Variants in DNA2 observed in about 807,000 individuals in gnomAD.
DNA2 encodes the protein DNA replication helicase/nuclease 2.
Under a neutral mutation model 119.1 loss-of-function variants are expected in DNA2, and 101 were observed. The observed-to-expected ratio is 0.85, with a 90% CI of 0.72 to 1.00. The LOEUF (loss-of-function observed/expected upper bound fraction) is 1.00, where lower values mean the gene tolerates loss of function less well. DNA2 is among the 50% of genes least tolerant of loss of function. DNA2 has a pLI of 0.00. For missense variants in DNA2, 1,121 were observed against 1,255.5 expected (o/e 0.89, Z 1.62); for synonymous variants, 366 against 424.4 (o/e 0.86, Z 1.69).
rs758848082 is a variant in DNA2, at chr10:68,436,968, T to C, written c.1646+43A>G. ...GGATGAACTACACAGATGTGAATTA[T>C]ATATCAATAAAGCTGTTATCAAAAA... On this transcript the variant is annotated intron_variant, in intron 10 of 20. Coordinates refer to ENST00000358410, the MANE Select transcript of DNA2 (RefSeq NM_001080449.3). 21 of 1,432,730 alleles carry C rather than the reference T, an allele frequency of 1.5e-5. 1 individual carries two copies. In the Middle Eastern group the frequency reaches 7.2e-4, roughly 49 times the overall value. 88.8% of individuals were successfully genotyped at this position (1,432,730 alleles called of 1,614,324 possible).
chr10:68,419,166 C>T lies in DNA2; in HGVS notation c.2835G>A (p.Gln945=), dbSNP rs1394475053. 1 of 1,612,458 alleles carries T rather than the reference C, an allele frequency of 6.2e-7. No individual in the cohort carries two copies. Among genetic ancestry groups the T allele is most frequent in the Admixed American group, 1.7e-5 (1 of 59,802 alleles). ...ATAAATCATTGATGATCTTTAATTG[C>T]TGCCTGTACGGTGCAATAATACCAA... ...SDIGIIAPYR[Q]QLKIINDLLA... The change falls in exon 19 of 21, where the codon CAG becomes CAA. Residue 945 remains glutamine, a synonymous_variant. Coordinates refer to ENST00000358410, the MANE Select transcript of DNA2 (RefSeq NM_001080449.3).
intron 8 of DNA2, 95 bp from the exon 9 acceptor site, chr10:68,443,206 C>G: frequency 1.9e-6 from 2 of 1,044,712 alleles, no homozygotes; most frequent in Non-Finnish European, 2.7e-6. Flanking sequence ...CATATATGAT[C>G]ATCATCATAA....
chr10:68,468,176 T>C lies in DNA2; in HGVS notation c.388A>G (p.Ile130Val). The C allele has an allele frequency of 6.2e-7, 1 of 1,611,520 alleles. No homozygotes were observed. Among genetic ancestry groups the C allele is most frequent in the Non-Finnish European group, 8.5e-7 (1 of 1,179,078 alleles). Residue 130 changes from isoleucine to valine, a missense_variant, in exon 3 of 21, where the codon ATA becomes GTA. Coordinates refer to ENST00000358410, the MANE Select transcript of DNA2 (RefSeq NM_001080449.3). ...YPDMLISGTS[I>V]ASSIRCMRRA... ...CTCATACATCGAATACTACTGGCTA[T>C]GCTGGTGCCAGAAATCAGCATGTCT...
intron 9 of DNA2, among the ~76,000 whole-genome samples, chr10:68,442,706 A>G (rs2051986043): frequency 6.6e-6 from 1 of 152,248 alleles, no homozygotes; most frequent in Non-Finnish European, 1.5e-5. Flanking sequence ...CTGAAACTAT[A>G]TTACTAACTA....
intron 4 of DNA2, among the ~76,000 whole-genome samples, chr10:68,464,127 G>A (rs2052296108): frequency 6.6e-6 from 1 of 152,204 alleles, no homozygotes. Flanking sequence ...TAAAAATGAT[G>A]TAGATGACCA....
intron 14 of DNA2, among the ~76,000 whole-genome samples, chr10:68,423,286 T>C (rs1247584105): frequency 7.1e-6 from 1 of 141,508 alleles, no homozygotes; most frequent in Non-Finnish European, 1.6e-5. Flanking sequence ...GCATTATATA[T>C]AAAAAAAAAA....
At chr10:68,459,283 C>T in intron 4 of DNA2, 48 bp from the exon 5 acceptor site, 3 of 1,445,726 alleles carry the variant, frequency 2.1e-6, no homozygotes, top group Non-Finnish European at 2.7e-6. Context: ...GCGGTACCTG[C>T]CAAAAATATG....
rs2051678074 is a variant in DNA2 at position 68,422,442 on chromosome 10, CA to C, written c.2493-14del. ...GGACATAATTTTACTAAGGGAATTA[CA>C]AAAGATAACTTTAGTTTTGGTAGAT... On this transcript the variant is annotated splice_polypyrimidine_tract_variant and intron_variant, in intron 16 of 20. Coordinates refer to ENST00000358410, the MANE Select transcript of DNA2 (RefSeq NM_001080449.3). The C allele has an allele frequency of 6.2e-7, 1 of 1,612,838 alleles. No individual in the cohort carries two copies. Among genetic ancestry groups the C allele is most frequent in the South Asian group, 1.1e-5 (1 of 90,918 alleles).
intron 6 of DNA2, among the ~76,000 whole-genome samples, chr10:68,447,472 G>A (rs1287530332): frequency 2.0e-5 from 3 of 147,122 alleles, no homozygotes; most frequent in East Asian, 2.0e-4. Context: ...AGTCGAAATC[G>A]TGCCACTGGA....
At chr10:68,438,636 T>A (rs904211641) in intron 9 of DNA2, among the ~76,000 whole-genome samples, 2 of 152,204 alleles carry the variant, frequency 1.3e-5, no homozygotes, top group Non-Finnish European at 2.9e-5. Flanking sequence ...ATATATGCAG[T>A]CTAACTACAA....
chr10:68,414,560 T>C lies in DNA2; in HGVS notation c.*479A>G, dbSNP rs2051564490. 1 of 152,352 alleles carries C rather than the reference T, an allele frequency of 6.6e-6. No homozygotes were observed. Among genetic ancestry groups the C allele is most frequent in the Non-Finnish European group, 1.5e-5 (1 of 68,176 alleles). The allele number at this position is 152,352 out of a possible 1,614,324, so 9.4% of individuals were successfully genotyped here. A position where few individuals can be genotyped will look rare whatever the true frequency, so the allele number is the denominator to read the frequency against. On this transcript the variant is annotated 3_prime_UTR_variant, in exon 21 of 21. Coordinates refer to ENST00000358410, the MANE Select transcript of DNA2 (RefSeq NM_001080449.3). ...AACAGGAAGTAATCAATTCATGTCA[T>C]AAAAGACTAGGTTTAGAGTGAAAAC...
chr10:68,422,854 G>T lies in DNA2; in HGVS notation c.2245C>A (p.Pro749Thr). 2 of 1,607,848 alleles carry T rather than the reference G, an allele frequency of 1.2e-6. No homozygotes were observed. Among genetic ancestry groups the T allele is most frequent in the Non-Finnish European group, 1.7e-6 (2 of 1,178,394 alleles). ...TCAAAAATTTTACGGGAAAATATTG[G>T]ATGGTTTATTCCCATACATGTTGTT... ...VATTCMGINH[P>T]IFSRKIFDFC... is the part of the protein sequence containing the mutation. The change falls in exon 15 of 21, where the codon CCA becomes ACA. Residue 749 changes from proline (P) to threonine (T), a missense_variant. Pro to Thr is a conservative substitution (Grantham distance 38, BLOSUM62 -1). Coordinates refer to ENST00000358410, the MANE Select transcript of DNA2 (RefSeq NM_001080449.3).
rs2051806647 is a variant in DNA2 at position 68,430,558 on chromosome 10, A to G, written c.2086T>C (p.Phe696Leu). ...TTCTGAATCTGACCCAAACGCAAAA[A>G]TCCTATTTTAAACTTGGCTAACTTC... ...LLKLAKFKIGFLRLGQIQKVH... is the reference protein window; with the variant it reads ...LLKLAKFKIGLLRLGQIQKVH... The change falls in exon 14 of 21, where the codon TTT becomes CTT. Residue 696 changes from phenylalanine (F) to leucine (L), a missense_variant. Phe to Leu is a conservative substitution (Grantham distance 22). Transcript: ENST00000358410. 6.2e-7 allele frequency: 1 copy of G among 1,609,792 alleles called. No homozygotes were observed. The highest frequency in any genetic ancestry group is 1.3e-5 in the African/African-American group (1 of 75,010).
intron 5 of DNA2, among the ~76,000 whole-genome samples, chr10:68,456,990 C>T (rs2052192061): frequency 6.6e-6 from 1 of 151,792 alleles, no homozygotes; most frequent in Non-Finnish European, 1.5e-5. Flanking sequence ...AAAAATTAGC[C>T]AGGCATGGTG....
At chr10:68,415,344 T>G (rs1343295969) in intron 20 of DNA2, among the ~76,000 whole-genome samples, 1 of 151,658 alleles carries the variant, frequency 6.6e-6, no homozygotes, top group Admixed American at 6.6e-5. Context: ...TGGTGCGATC[T>G]CAGCTCACCG....
chr10:68,414,534 T>G lies in DNA2; in HGVS notation c.*505A>C, dbSNP rs1240037683. 1 of 152,116 alleles carries G rather than the reference T, an allele frequency of 6.6e-6. No homozygotes were observed. The highest frequency in any genetic ancestry group is 2.4e-5 in the African/African-American group (1 of 41,414). 9.4% of individuals were successfully genotyped at this position (152,116 alleles called of 1,614,324 possible). On this transcript the variant is annotated 3_prime_UTR_variant, in exon 21 of 21. Transcript: ENST00000358410. The stretch of plus-strand genomic sequence containing the variant: ...AGGATAGTAAGGGAGGATAGAAAAT[T>G]AACAGGAAGTAATCAATTCATGTCA...
chr10:68,457,270 T>A (rs1395702428), intron 5 of DNA2, among the ~76,000 whole-genome samples: 2 of 152,224 alleles, frequency 1.3e-5, no homozygotes, highest in Admixed American at 1.3e-4. Context: ...CACTTTGCTC[T>A]AGCCATCACA....
intron 19 of DNA2, among the ~76,000 whole-genome samples, chr10:68,418,170 T>A (rs1451095558): frequency 6.6e-6 from 1 of 152,126 alleles, no homozygotes; most frequent in Non-Finnish European, 1.5e-5. Flanking sequence ...TCCCAGCACT[T>A]TGGGAGGCCA....
At chr10:68,449,860 C>T (rs1365885969) in intron 6 of DNA2, among the ~76,000 whole-genome samples, 168 bp downstream of exon 6, 2 of 151,702 alleles carry the variant, frequency 1.3e-5, no homozygotes, top group Admixed American at 6.6e-5. Flanking sequence ...TTACAATGAG[C>T]TGAGATCACA....
Sources: gnomAD v4.1 joint callset for allele counts (sites outside exome capture counted in the v4.1 genomes callset) on GRCh38, gnomAD v4.1.1 for gene constraint, MANE v1.5 for transcripts, NCBI Gene and HGNC (gene_info 2026-07-23, HGNC 2026-07-21) for gene names.